Variants in NPAS3 observed in about 807,000 individuals in gnomAD.
NPAS3 encodes neuronal PAS domain-containing protein 3.
Under a neutral mutation model 73.1 loss-of-function variants are expected in NPAS3, and 14 were observed. The observed-to-expected ratio is 0.19, with a 90% confidence interval of 0.13 to 0.30. NPAS3 has a LOEUF of 0.30. NPAS3 is among the 10% of genes least tolerant of loss of function. NPAS3 has a pLI of 1.00. For missense variants in NPAS3, 1,096 were observed against 1,250.0 expected, an observed-to-expected ratio of 0.88 and a Z score of 1.86; for synonymous variants, 620 against 541.5, an observed-to-expected ratio of 1.14 and a Z score of -2.01.
intron 4 of NPAS3, among the ~76,000 whole-genome samples, chr14:33,424,761 T>C (rs947751669): frequency 2.0e-5 from 3 of 151,566 alleles, no homozygotes; most frequent in African/African-American, 7.3e-5. Flanking sequence ...TGAGCTCCAT[T>C]GGATCATATT....
rs371230319 is a variant in NPAS3, at chr14:33,365,201, C to CAAAAAAAAA, written c.386-1972_386-1964dup. 4.9e-4 allele frequency among the ~76,000 whole-genome samples: 22 copies of CAAAAAAAAA among 45,066 alleles called. 1 individual carries two copies. Among genetic ancestry groups the CAAAAAAAAA allele is most frequent in the African/African-American group, 1.3e-3 (12 of 9,328 alleles). The allele number at this position is 45,066 out of a possible 152,430, so 29.6% of individuals were successfully genotyped here. The stretch of plus-strand genomic sequence containing the variant: ...CAAAAGCCACCCACCCCCATAATCT[C>CAAAAAAAAA]AAAAAAAAAAAAAAAAAAAAAGGCT... On this transcript the variant is annotated intron_variant, in intron 3 of 11. Transcript: ENST00000356141.
intron 3 of NPAS3, among the ~76,000 whole-genome samples, chr14:33,302,706 T>C (rs11851334): frequency 0.028 from 4,309 of 152,290 alleles, 165 homozygotes; most frequent in African/African-American, 0.09. Context: ...GCTACATAAC[T>C]CCTACTAGTG....
chr14:33,523,637 G>A (rs146571383), intron 4 of NPAS3, among the ~76,000 whole-genome samples: 23 of 151,718 alleles, frequency 1.5e-4, no homozygotes, highest in African/African-American at 4.1e-4. Context: ...AAAAATAGCC[G>A]GGCGTGGTGG....
chr14:33,675,612 G>C (rs13379291), intron 5 of NPAS3, among the ~76,000 whole-genome samples: 6,247 of 152,262 alleles, frequency 0.041, 429 homozygotes, highest in African/African-American at 0.14. Context: ...CTTTTGTATG[G>C]AAAATCCCTC....
At chr14:33,406,711 T>C (rs1371709) in intron 4 of NPAS3, among the ~76,000 whole-genome samples, 25,501 of 152,066 alleles carry the variant, frequency 0.17, 2,353 homozygotes, top group Admixed American at 0.25. Flanking sequence ...CAGAATGCTG[T>C]TCCTGATAGT....
chr14:33,682,485 A>C (rs1461279838), intron 6 of NPAS3, among the ~76,000 whole-genome samples: 1 of 152,246 alleles, frequency 6.6e-6, no homozygotes, highest in Non-Finnish European at 1.5e-5. Context: ...TGAAATGAAG[A>C]TGATGGGTGC....
chr14:33,328,795 A>C (rs1314341617), intron 3 of NPAS3, among the ~76,000 whole-genome samples: 2 of 151,956 alleles, frequency 1.3e-5, no homozygotes, highest in Non-Finnish European at 1.5e-5. Flanking sequence ...TCTTGAGATG[A>C]ATACTTACTC....
Position 33,676,268 on chromosome 14 carries a change from A to C in NPAS3, c.616A>C (p.Met206Leu), listed in dbSNP as rs148495565. 2.3e-5 allele frequency: 37 copies of C among 1,613,646 alleles called. No individual in the cohort carries two copies. The highest frequency in any genetic ancestry group is 2.8e-5 in the Non-Finnish European group (33 of 1,179,820). ...TGTCCACCCCGGAGATCACGTGGAG[A>C]TGGCTGAGCAGCTGGGCATGAAGCT... The change falls in exon 6 of 12, where the codon ATG (methionine) becomes CTG (leucine). Residue 206 changes from methionine (M) to leucine (L), a missense_variant. Transcript: ENST00000356141.
chr14:33,676,650 G>C (rs10145577), intron 6 of NPAS3, among the ~76,000 whole-genome samples: 61,531 of 152,096 alleles, frequency 0.4, 13,012 homozygotes, highest in Non-Finnish European at 0.47. Flanking sequence ...CAAATTACTA[G>C]AGGGAACAGC....
At chr14:33,039,796 T>C (rs2040291017) in intron 1 of NPAS3, among the ~76,000 whole-genome samples, 1 of 152,220 alleles carries the variant, frequency 6.6e-6, no homozygotes. Flanking sequence ...GCATGGTACA[T>C]GTGCAGACTG....
At position 33,178,070 on chromosome 14, in the gene NPAS3, A is replaced by ATTTTTTTTT. The variant is rs780708461; in HGVS notation, c.141-37104_141-37103insTTTTTTTTT. On this transcript the variant is annotated intron_variant, in intron 2 of 11. Transcript: ENST00000356141. ...GGAATTTTGATAGGCATTGAAGTGA[A>ATTTTTTTTT]TTTTTTTTGTTTTTTTTTTTTTGGA... 4.0e-5 allele frequency among the ~76,000 whole-genome samples: 5 copies of ATTTTTTTTT among 123,868 alleles called. 2 individuals are homozygous for ATTTTTTTTT. Among genetic ancestry groups the ATTTTTTTTT allele is most frequent in the Non-Finnish European group, 3.3e-5 (2 of 60,560 alleles). 81.3% of individuals were successfully genotyped at this position (123,868 alleles called of 152,430 possible). A position where few individuals can be genotyped will look rare whatever the true frequency, so the allele number is the denominator to read the frequency against.
upstream of NPAS3, among the ~76,000 whole-genome samples, chr14:32,935,626 A>G (rs2035672942): frequency 6.6e-6 from 1 of 152,238 alleles, no homozygotes. Flanking sequence ...CAAATTTTAC[A>G]AAGTCAGGCT....
chr14:33,747,177 T>C (rs1033702344), intron 7 of NPAS3, among the ~76,000 whole-genome samples: 9 of 152,100 alleles, frequency 5.9e-5, no homozygotes, highest in African/African-American at 2.2e-4. Context: ...AGCAAAGACT[T>C]GGAACCAACC....
At chr14:33,543,959 A>ATATC (rs1555409720) in intron 4 of NPAS3, among the ~76,000 whole-genome samples, 1 of 21,866 alleles carries the variant, frequency 4.6e-5, no homozygotes, top group African/African-American at 2.0e-4. Context: ...ATATATATAT[A>ATATC]TATATATATA....
intron 7 of NPAS3, among the ~76,000 whole-genome samples, chr14:33,763,533 G>A (rs1000099868): frequency 1.3e-5 from 2 of 152,204 alleles, no homozygotes; most frequent in African/African-American, 4.8e-5. Context: ...TGCTAAGGAA[G>A]GGGTGGCCTC....
chr14:33,235,812 T>TTC (rs2048014891), intron 3 of NPAS3, among the ~76,000 whole-genome samples: 1 of 138,080 alleles, frequency 7.2e-6, no homozygotes. Flanking sequence ...ATTCTTTTTT[T>TTC]TTTTTTTTTT....
chr14:33,595,532 G>A (rs2057210000), intron 5 of NPAS3, among the ~76,000 whole-genome samples: 1 of 152,138 alleles, frequency 6.6e-6, no homozygotes, highest in Non-Finnish European at 1.5e-5. Flanking sequence ...TTATGACTTA[G>A]AACATATGCA....
chr14:33,666,334 T>C (rs2059449322), intron 5 of NPAS3, among the ~76,000 whole-genome samples: 1 of 152,200 alleles, frequency 6.6e-6, no homozygotes, highest in African/African-American at 2.4e-5. Context: ...CACCTGTCCT[T>C]ACTCATTCTT....
At chr14:33,094,039 G>A (rs1311525179) in intron 2 of NPAS3, among the ~76,000 whole-genome samples, 1 of 151,798 alleles carries the variant, frequency 6.6e-6, no homozygotes, top group East Asian at 1.9e-4. Flanking sequence ...AATGGGTGCA[G>A]CACACCAACA....
Sources: allele counts gnomAD v4.1 joint callset (sites outside exome capture counted in the v4.1 genomes callset), GRCh38; gene constraint gnomAD v4.1.1; transcripts MANE v1.5; gene names NCBI Gene and HGNC (gene_info 2026-07-23, HGNC 2026-07-21).